PRKAR2A: variants seen among roughly 807,000 people sequenced by gnomAD.
PRKAR2A encodes the protein protein kinase cAMP-dependent type II regulatory subunit alpha.
PRKAR2A carries 29 observed loss-of-function variants against 51.9 expected under a neutral mutation model. That is an observed-to-expected ratio of 0.56 (90% confidence interval 0.42 to 0.76). The LOEUF is 0.76. Ranked by LOEUF, PRKAR2A falls within the 30% of genes least tolerant of loss-of-function variation. The pLI, the probability that PRKAR2A is intolerant of heterozygous loss-of-function variation, is 0.00. For missense variants in PRKAR2A, 445 were observed against 512.1 expected, an observed-to-expected ratio of 0.87 and a Z score of 1.26; for synonymous variants, 178 against 186.2, an observed-to-expected ratio of 0.96 and a Z score of 0.36.
chr3:48,760,861 T>C (rs1200568170), intron 8 of PRKAR2A, among the ~76,000 whole-genome samples: 2 of 149,514 alleles, frequency 1.3e-5, no homozygotes, highest in Non-Finnish European at 3.0e-5. Context: ...AAAATTAGCT[T>C]AGTGTGGTGG....
At chr3:48,755,793 T>TC (rs2081752428) in intron 9 of PRKAR2A, among the ~76,000 whole-genome samples, 1 of 150,374 alleles carries the variant, frequency 6.7e-6, no homozygotes, top group Non-Finnish European at 1.5e-5. Flanking sequence ...TTTTTTTTTT[T>TC]TTTTTGACGG....
chr3:48,790,463 C>T, intron 4 of PRKAR2A, 81 bp downstream of exon 4: 1 of 983,148 alleles, frequency 1.0e-6, no homozygotes, highest in Non-Finnish European at 1.5e-6. Context: ...GGCTAGGGTG[C>T]TAAAAATTAA....
At chr3:48,758,681 A>G (rs896141813) in intron 8 of PRKAR2A, among the ~76,000 whole-genome samples, 2 of 152,114 alleles carry the variant, frequency 1.3e-5, no homozygotes, top group African/African-American at 2.4e-5. Context: ...CCTGAGGAGA[A>G]TGAACAGGGG....
chr3:48,790,451 G>A, intron 4 of PRKAR2A, 93 bp downstream of exon 4: 3 of 781,072 alleles, frequency 3.8e-6, no homozygotes, highest in Non-Finnish European at 3.9e-6. Context: ...TAACACGGCT[G>A]TGGCTAGGGT....
At chr3:48,790,485 C>A in intron 4 of PRKAR2A, 59 bp downstream of exon 4, 2 of 1,273,700 alleles carry the variant, frequency 1.6e-6, no homozygotes, top group East Asian at 2.6e-5. Flanking sequence ...GTTTAAGTGA[C>A]AAATAGGAGC....
rs768966681 is a variant in PRKAR2A at position 48,751,625 on chromosome 3, A to G, written c.1175T>C (p.Met392Thr). The change falls in exon 11 of 11, where the codon ATG becomes ACG. Residue 392 changes from methionine to threonine, a missense_variant. Coordinates refer to ENST00000265563, the MANE Select transcript of PRKAR2A (RefSeq NM_004157.4). ...ISHYEEQLVK[M>T]FGSSVDLGNL... is the part of the protein sequence containing the mutation. ...GCCCAGATCCACGCTGGAGCCAAAC[A>G]TCTTCACCAGCTGTTCCTCATAGTG... is the stretch of plus-strand genomic sequence containing the variant. 19 of 1,613,710 alleles carry G rather than the reference A, an allele frequency of 1.2e-5. No individual in the cohort carries two copies. In the African/African-American group the frequency reaches 2.3e-4, roughly 19 times the overall value.
intron 1 of PRKAR2A, among the ~76,000 whole-genome samples, chr3:48,842,921 G>C (rs1333927095): frequency 6.6e-6 from 1 of 152,110 alleles, no homozygotes; most frequent in African/African-American, 2.4e-5. Context: ...GGATGATGCT[G>C]GCCTCATAAA....
chr3:48,792,836 G>A (rs2107318601), intron 3 of PRKAR2A, among the ~76,000 whole-genome samples: 1 of 152,046 alleles, frequency 6.6e-6, no homozygotes, highest in East Asian at 2.0e-4. Context: ...GGCTGAGGCA[G>A]GAGAATCACG....
At position 48,755,738 on chromosome 3, in the gene PRKAR2A, C is replaced by G. The variant is rs1206667559; in HGVS notation, c.939+641G>C. Among the ~76,000 whole-genome samples, 7 of 149,984 alleles carry G rather than the reference C, an allele frequency of 4.7e-5. 1 individual carries two copies. In the South Asian group the frequency reaches 1.5e-3, roughly 32 times the overall value. On this transcript the variant is annotated intron_variant, in intron 9 of 10. Transcript: ENST00000265563. Reference sequence around the variant, plus strand: ...TCCTCTTGCCTAGGCCTCCAAAGTGCTAGGATTACAGGTGTGAGACATTGC... The same window carrying G: ...TCCTCTTGCCTAGGCCTCCAAAGTGGTAGGATTACAGGTGTGAGACATTGC...
intron 1 of PRKAR2A, among the ~76,000 whole-genome samples, chr3:48,837,571 T>C (rs1420563203): frequency 6.6e-6 from 1 of 152,154 alleles, no homozygotes; most frequent in African/African-American, 2.4e-5. Flanking sequence ...AGAGCTACTA[T>C]ATGGCCCAGC....
chr3:48,753,727 C>A (rs547490018), intron 9 of PRKAR2A, among the ~76,000 whole-genome samples: 1 of 152,172 alleles, frequency 6.6e-6, no homozygotes, highest in Non-Finnish European at 1.5e-5. Flanking sequence ...GGACTCTGAA[C>A]TTCTGACAAA....
At chr3:48,763,884 G>A (rs2081899666) in intron 8 of PRKAR2A, among the ~76,000 whole-genome samples, 1 of 152,214 alleles carries the variant, frequency 6.6e-6, no homozygotes, top group East Asian at 1.9e-4. Flanking sequence ...AATAGTAACG[G>A]CTCCTAGAAA....
chr3:48,817,560 T>C (rs1008719581), intron 1 of PRKAR2A, among the ~76,000 whole-genome samples: 11 of 151,388 alleles, frequency 7.3e-5, no homozygotes, highest in Non-Finnish European at 1.3e-4. Flanking sequence ...GGCAGGAGAA[T>C]TGCTTGAACC....
In PRKAR2A at chr3:48,813,895, G is replaced by A. The variant is rs566168604; in HGVS notation, c.263-6211C>T. Reference sequence around the variant, plus strand: ...TTCCAGTACTTTAGGAGGCCAAGGCGGGTGGATCACCTGAGGTCAGGAGTT... The same window carrying A: ...TTCCAGTACTTTAGGAGGCCAAGGCAGGTGGATCACCTGAGGTCAGGAGTT... On this transcript the variant is annotated intron_variant, in intron 1 of 10. Coordinates refer to ENST00000265563, the MANE Select transcript of PRKAR2A (RefSeq NM_004157.4). 4.1e-4 allele frequency among the ~76,000 whole-genome samples: 62 copies of A among 152,160 alleles called. 1 individual carries two copies. The highest frequency in any genetic ancestry group is 1.4e-3 in the African/African-American group (57 of 41,508).
chr3:48,827,853 T>C (rs2107426303), intron 1 of PRKAR2A, among the ~76,000 whole-genome samples: 1 of 152,322 alleles, frequency 6.6e-6, no homozygotes, highest in African/African-American at 2.4e-5. Context: ...ACTTTTACTT[T>C]ATAAACCTTA....
intron 4 of PRKAR2A, among the ~76,000 whole-genome samples, chr3:48,785,652 T>C (rs571379396): frequency 2.0e-5 from 3 of 151,984 alleles, no homozygotes; most frequent in Non-Finnish European, 4.4e-5. Context: ...CTGCCTCGGC[T>C]TCCCAAAGTG....
rs533201627 is a variant in PRKAR2A at position 48,785,190 on chromosome 3, A to G, written c.436-2098T>C. ...ACTGCAACCTCTGCCTCCTGGGTTC[A>G]AGCGATTTCTCCTGCCTCAGCCTCC... is the stretch of plus-strand genomic sequence containing the variant. On this transcript the variant is annotated intron_variant, in intron 4 of 10. Coordinates refer to ENST00000265563, the MANE Select transcript of PRKAR2A (RefSeq NM_004157.4). Among the ~76,000 whole-genome samples, 93 of 150,922 alleles carry G rather than the reference A, an allele frequency of 6.2e-4. 1 individual carries two copies. Among genetic ancestry groups the G allele is most frequent in the Non-Finnish European group, 1.2e-3 (83 of 67,890 alleles).
chr3:48,791,903 CAAAAAAAAAAA>C (rs1177374619), intron 3 of PRKAR2A, among the ~76,000 whole-genome samples: 2 of 41,880 alleles, frequency 4.8e-5, no homozygotes, highest in Non-Finnish European at 7.7e-5. Flanking sequence ...AACTCTGTCT[CAAAAAAAAAAA>C]AAAAAAAAAA....
chr3:48,760,137 T>C (rs2081841495), intron 8 of PRKAR2A, among the ~76,000 whole-genome samples: 1 of 152,172 alleles, frequency 6.6e-6, no homozygotes, highest in Admixed American at 6.5e-5. Flanking sequence ...ACAGATCACC[T>C]GAGGTCAGAA....
Sources: allele counts gnomAD v4.1 joint callset (sites outside exome capture counted in the v4.1 genomes callset), GRCh38; gene constraint gnomAD v4.1.1; transcripts MANE v1.5; gene names NCBI Gene and HGNC (gene_info 2026-07-23, HGNC 2026-07-21).